Variants in RSU1 observed in about 807,000 individuals in gnomAD.
RSU1 encodes Ras suppressor protein 1.
In RSU1, 26 loss-of-function variants were observed where a neutral mutation model predicts 31.1. The ratio of observed to expected loss-of-function variants is 0.84; its 90% CI spans 0.61 to 1.16. RSU1 has a LOEUF of 1.16. RSU1 is among the 50% of genes most tolerant of loss of function. RSU1 has a pLI of 0.00. For missense variants in RSU1, 320 were observed against 339.1 expected, an observed-to-expected ratio of 0.94 and a Z score of 0.44; for synonymous variants, 164 against 136.3, an observed-to-expected ratio of 1.20 and a Z score of -1.41.
intron 2 of RSU1, 25 bp downstream of exon 2, chr10:16,816,948 G>T: frequency 2.6e-6 from 4 of 1,514,158 alleles, no homozygotes; most frequent in African/African-American, 1.4e-5. Context: ...GCTCATCCAC[G>T]GGAGAGTCCT....
In RSU1 at chr10:16,677,518, C is replaced by G. The variant is rs534898374; in HGVS notation, c.731+17505G>C. ...TTTCTAGTAAAAGCCACTCAATACT[C>G]TTAGTACTGAAACCAGAGTAAACCC... is the stretch of plus-strand genomic sequence containing the variant. On this transcript the variant is annotated intron_variant, in intron 8 of 8. Coordinates refer to ENST00000345264, the MANE Select transcript of RSU1 (RefSeq NM_012425.4). Among the ~76,000 whole-genome samples, 164 of 152,294 alleles carry G rather than the reference C, an allele frequency of 1.1e-3. No homozygotes were observed. In the South Asian group the frequency reaches 0.029, roughly 27 times the overall value.
At chr10:16,782,109 G>T in intron 2 of RSU1, 25 bp from the exon 3 acceptor site, 1 of 1,525,308 alleles carries the variant, frequency 6.6e-7, no homozygotes, top group Non-Finnish European at 9.0e-7. Context: ...AAAAAAAAAA[G>T]GTCAGTCAGT....
rs549837137 is a variant in RSU1, at chr10:16,645,987, T to C, written c.731+49036A>G. 2.2e-4 allele frequency among the ~76,000 whole-genome samples: 19 copies of C among 84,802 alleles called. 2 individuals carry two copies. Among genetic ancestry groups the C allele is most frequent in the African/African-American group, 4.1e-4 (6 of 14,806 alleles). 55.6% of individuals were successfully genotyped at this position (84,802 alleles called of 152,430 possible). ...ATGTGTATATATATGTGTATATACA[T>C]ATATGTGTATATATATGTGTATATA... On this transcript the variant is annotated intron_variant, in intron 8 of 8. Coordinates refer to ENST00000345264, the MANE Select transcript of RSU1 (RefSeq NM_012425.4).
At chr10:16,705,173 T>C (rs2131575100) in intron 7 of RSU1, among the ~76,000 whole-genome samples, 1 of 152,312 alleles carries the variant, frequency 6.6e-6, no homozygotes, top group Non-Finnish European at 1.5e-5. Context: ...TCCTCAAGGT[T>C]CATCCATGTT....
At chr10:16,771,173 C>T (rs546035762) in intron 3 of RSU1, among the ~76,000 whole-genome samples, 4 of 152,112 alleles carry the variant, frequency 2.6e-5, no homozygotes, top group East Asian at 3.9e-4. Flanking sequence ...TTACTAAAAA[C>T]ATGAGAATAG....
intron 8 of RSU1, among the ~76,000 whole-genome samples, chr10:16,624,998 C>A (rs573871257): frequency 6.6e-6 from 1 of 152,092 alleles, no homozygotes; most frequent in Non-Finnish European, 1.5e-5. Flanking sequence ...GTGGGTATCA[C>A]CTTCATTAGT....
chr10:16,676,715 A>C (rs1477674992), intron 8 of RSU1, among the ~76,000 whole-genome samples: 3 of 152,226 alleles, frequency 2.0e-5, no homozygotes, highest in African/African-American at 7.2e-5. Flanking sequence ...AAAAAGGTTC[A>C]GATATGGTGC....
intron 8 of RSU1, among the ~76,000 whole-genome samples, chr10:16,690,928 G>A (rs1231792834): frequency 1.3e-5 from 2 of 152,020 alleles, no homozygotes; most frequent in African/African-American, 2.4e-5. Context: ...ATACACATCC[G>A]CAACACACAG....
At chr10:16,791,239 C>A (rs1187839947) in intron 2 of RSU1, among the ~76,000 whole-genome samples, 2 of 152,086 alleles carry the variant, frequency 1.3e-5, no homozygotes, top group Non-Finnish European at 2.9e-5. Context: ...GTTGGCCAGG[C>A]TGGTCTCGAA....
At chr10:16,704,296 C>A (rs1174008729) in intron 7 of RSU1, among the ~76,000 whole-genome samples, 1 of 152,102 alleles carries the variant, frequency 6.6e-6, no homozygotes, top group Admixed American at 6.5e-5. Flanking sequence ...ATTTCAGGAG[C>A]TTTGCATACA....
chr10:16,733,215 G>T (rs1433795373), intron 7 of RSU1, among the ~76,000 whole-genome samples: 1 of 151,826 alleles, frequency 6.6e-6, no homozygotes. Context: ...ACCCGGCTGG[G>T]CATGGTGGCT....
At chr10:16,802,312 T>C (rs1838173799) in intron 2 of RSU1, among the ~76,000 whole-genome samples, 1 of 151,876 alleles carries the variant, frequency 6.6e-6, no homozygotes, top group African/African-American at 2.4e-5. Context: ...TGTCCAAAAA[T>C]GTTATAACTT....
intron 7 of RSU1, among the ~76,000 whole-genome samples, chr10:16,734,241 C>T (rs1836579412): frequency 2.0e-5 from 3 of 152,236 alleles, no homozygotes; most frequent in Non-Finnish European, 4.4e-5. Context: ...TCTACCACTA[C>T]ATCCTATGAT....
Position 16,695,159 on chromosome 10 carries a change from G to GT in RSU1, c.599-5_599-4insA, listed in dbSNP as rs775644277. ...TGGCCAGTTAAATCCAAGTTTCCTG[G>GT]GGGGGGGGAAAAAAAAAGTGAAGGT... On this transcript the variant is annotated splice_polypyrimidine_tract_variant and splice_region_variant and intron_variant, in intron 7 of 8. Coordinates refer to ENST00000345264, the MANE Select transcript of RSU1 (RefSeq NM_012425.4). The GT allele has an allele frequency of 1.1e-4, 138 of 1,310,272 alleles. 2 individuals are homozygous for GT. The South Asian group carries it at 1.5e-3, about 14-fold the overall frequency. 81.2% of individuals were successfully genotyped at this position (1,310,272 alleles called of 1,614,324 possible). A position where few individuals can be genotyped will look rare whatever the true frequency, so the allele number is the denominator to read the frequency against.
intron 2 of RSU1, among the ~76,000 whole-genome samples, chr10:16,794,610 A>G (rs1354339550): frequency 6.6e-6 from 1 of 152,250 alleles, no homozygotes; most frequent in African/African-American, 2.4e-5. Flanking sequence ...CAATTTACAG[A>G]TAAGAAAACA....
chr10:16,661,122 A>G (rs888074311), intron 8 of RSU1, among the ~76,000 whole-genome samples: 1 of 151,588 alleles, frequency 6.6e-6, no homozygotes, highest in African/African-American at 2.4e-5. Context: ...GCTCACATGT[A>G]TTTTTCTATA....
intron 8 of RSU1, among the ~76,000 whole-genome samples, chr10:16,642,968 G>A (rs973226500): frequency 6.6e-6 from 1 of 152,158 alleles, no homozygotes; most frequent in Non-Finnish European, 1.5e-5. Context: ...GAGGTGAAAT[G>A]TTAACAAGTC....
intron 8 of RSU1, among the ~76,000 whole-genome samples, chr10:16,622,437 G>T (rs1443681532): frequency 1.3e-5 from 2 of 152,350 alleles, no homozygotes; most frequent in Non-Finnish European, 2.9e-5. Context: ...CTTTAGAACA[G>T]CAGGCAGAGT....
rs1420076606 is a variant in RSU1 at position 16,759,215 on chromosome 10, C to T, written c.282-4226G>A. ...ATCAAAAATAAAAATTTAAAAAAATCCAGGCCGAGCCCAGTAGCTCACGTC... is the reference window on the plus strand; with the variant it reads ...ATCAAAAATAAAAATTTAAAAAAATTCAGGCCGAGCCCAGTAGCTCACGTC... On this transcript the variant is annotated intron_variant, in intron 4 of 8. Coordinates refer to ENST00000345264, the MANE Select transcript of RSU1 (RefSeq NM_012425.4). Among the ~76,000 whole-genome samples, 3 of 152,066 alleles carry T rather than the reference C, an allele frequency of 2.0e-5. No homozygotes were observed. In the East Asian group the frequency reaches 5.8e-4, roughly 29 times the overall value.
Sources: gnomAD v4.1 joint callset for allele counts (sites outside exome capture counted in the v4.1 genomes callset) on GRCh38, gnomAD v4.1.1 for gene constraint, MANE v1.5 for transcripts, NCBI Gene and HGNC (gene_info 2026-07-23, HGNC 2026-07-21) for gene names.